The following MAGI1 variants were observed in gnomAD, a reference collection of about 807,000 sequenced individuals.
The protein encoded by MAGI1 is membrane-associated guanylate kinase, WW and PDZ domain-containing protein 1.
In MAGI1, 58 loss-of-function variants were observed where a neutral mutation model predicts 139.9. That is an observed-to-expected ratio of 0.41 (90% CI 0.34 to 0.52). MAGI1 has a LOEUF of 0.52. Among genes scored for constraint, MAGI1 ranks in the 20% least tolerant of loss-of-function variants. The probability of loss-of-function intolerance (pLI) is 0.12; values close to 1 mark genes in which losing one functional copy is unlikely to be tolerated. For missense variants in MAGI1, 1,874 were observed against 1,901.6 expected, an observed-to-expected ratio of 0.99 and a Z score of 0.27; for synonymous variants, 812 against 737.9, an observed-to-expected ratio of 1.10 and a Z score of -1.63.
At chr3:65,986,493 A>C (rs887885188) in intron 1 of MAGI1, among the ~76,000 whole-genome samples, 1 of 152,170 alleles carries the variant, frequency 6.6e-6, no homozygotes, top group Non-Finnish European at 1.5e-5. Flanking sequence ...CCAGTCCTAA[A>C]ATTAGCTCTT....
At chr3:65,974,237 T>C (rs1300219499) in intron 1 of MAGI1, among the ~76,000 whole-genome samples, 2 of 151,932 alleles carry the variant, frequency 1.3e-5, no homozygotes, top group South Asian at 2.1e-4. Flanking sequence ...CACTATGCAC[T>C]GTTCCTGGGA....
intron 3 of MAGI1, among the ~76,000 whole-genome samples, chr3:65,480,422 A>G (rs773474452): frequency 2.0e-4 from 30 of 151,886 alleles, no homozygotes; most frequent in Non-Finnish European, 2.9e-4. Context: ...AGTCCCAGCT[A>G]CTTGGGGGTG....
chr3:65,512,038 C>T (rs1222252004), intron 2 of MAGI1, among the ~76,000 whole-genome samples: 1 of 95,350 alleles, frequency 1.0e-5, no homozygotes, highest in Non-Finnish European at 2.1e-5. Context: ...AACTGAACAA[C>T]CTGCTCCTGA....
intron 3 of MAGI1, among the ~76,000 whole-genome samples, chr3:65,482,282 C>T (rs1303693728): frequency 1.3e-5 from 2 of 152,168 alleles, no homozygotes; most frequent in African/African-American, 2.4e-5. Flanking sequence ...AGACGGTCTG[C>T]CTTTAACCTA....
At chr3:65,576,275 G>A (rs1416020405) in intron 2 of MAGI1, among the ~76,000 whole-genome samples, 1 of 152,134 alleles carries the variant, frequency 6.6e-6, no homozygotes, top group Non-Finnish European at 1.5e-5. Flanking sequence ...AATTCTAACA[G>A]TGGCCCTCTG....
At chr3:65,978,850 C>T (rs541104739) in intron 1 of MAGI1, among the ~76,000 whole-genome samples, 1 of 152,124 alleles carries the variant, frequency 6.6e-6, no homozygotes, top group South Asian at 2.1e-4. Flanking sequence ...TGGTCTCAAA[C>T]TCCTGACCTC....
At position 65,361,186 on chromosome 3, in the gene MAGI1, T is replaced by C. The variant is rs777794723; in HGVS notation, c.3634+13A>G. On this transcript the variant is annotated intron_variant, in intron 22 of 22. Transcript: ENST00000402939. ...GCCAGGGAAGGAAGGAATGTTTTCA[T>C]AGTTTGACCCACCATATTCTGGTAC... The C allele has an allele frequency of 4.3e-6, 7 of 1,614,028 alleles. No homozygotes were observed. Among genetic ancestry groups the C allele is most frequent in the Middle Eastern group, 1.6e-4 (1 of 6,084 alleles).
intron 17 of MAGI1, 22 bp from the exon 18 acceptor site, chr3:65,375,967 A>T (rs1036851639): frequency 2.5e-6 from 4 of 1,595,554 alleles, no homozygotes; most frequent in Non-Finnish European, 3.4e-6. Context: ...TTGAGTTTTA[A>T]TTTTTTTAAA....
At chr3:65,458,632 CT>C (rs1949562928) in intron 5 of MAGI1, among the ~76,000 whole-genome samples, 1 of 152,096 alleles carries the variant, frequency 6.6e-6, no homozygotes, top group African/African-American at 2.4e-5. Flanking sequence ...CCACTCAGAT[CT>C]TTCCCCCATT....
chr3:65,985,694 T>A (rs1458046520), intron 1 of MAGI1, among the ~76,000 whole-genome samples: 1 of 152,218 alleles, frequency 6.6e-6, no homozygotes, highest in Non-Finnish European at 1.5e-5. Flanking sequence ...GGAGGAAATG[T>A]CATATTGTCT....
chr3:65,893,277 A>G (rs1032173862), intron 1 of MAGI1, among the ~76,000 whole-genome samples: 3 of 139,354 alleles, frequency 2.2e-5, no homozygotes, highest in African/African-American at 5.6e-5. Context: ...ACAACCTCAG[A>G]AAAAAAAATG....
At chr3:65,369,610 G>A (rs951812313) in intron 18 of MAGI1, among the ~76,000 whole-genome samples, 3 of 151,822 alleles carry the variant, frequency 2.0e-5, no homozygotes, top group African/African-American at 7.3e-5. Flanking sequence ...CTGGTTTCAA[G>A]CAATTCTTGT....
intron 1 of MAGI1, among the ~76,000 whole-genome samples, chr3:65,772,845 A>G (rs936651562): frequency 6.6e-6 from 1 of 152,224 alleles, no homozygotes; most frequent in Non-Finnish European, 1.5e-5. Context: ...TACAAATGAC[A>G]GAAAAGATGC....
chr3:65,698,735 T>G (rs1408165154), intron 1 of MAGI1, among the ~76,000 whole-genome samples: 1 of 148,922 alleles, frequency 6.7e-6, no homozygotes, highest in Non-Finnish European at 1.5e-5. Context: ...TCAAGATGGA[T>G]TAAAGACTTA....
rs563655540 is a variant in MAGI1, at chr3:65,658,490, C to A, written c.314-36402G>T. ...AGTTACTGGTAACCAAATTGTAACA[C>A]TGACTGAACAACTGAATTCTTCAGA... is the stretch of plus-strand genomic sequence containing the variant. On this transcript the variant is annotated intron_variant, in intron 1 of 22. Transcript: ENST00000402939. Among the ~76,000 whole-genome samples the A allele has an allele frequency of 2.6e-5, 4 of 152,328 alleles. No individual in the cohort carries two copies. In the East Asian group the frequency reaches 5.8e-4, roughly 22 times the overall value.
At chr3:65,676,995 G>A (rs1276821006) in intron 1 of MAGI1, among the ~76,000 whole-genome samples, 4 of 152,124 alleles carry the variant, frequency 2.6e-5, no homozygotes, top group Non-Finnish European at 4.4e-5. Context: ...TGACTCCCGT[G>A]CTCTTGGTAT....
At chr3:65,564,609 G>A (rs1243262077) in intron 2 of MAGI1, among the ~76,000 whole-genome samples, 3 of 152,128 alleles carry the variant, frequency 2.0e-5, no homozygotes, top group East Asian at 1.9e-4. Flanking sequence ...AAAATAGTAG[G>A]CCATGCAGTG....
chr3:65,971,625 A>T (rs1411702396), intron 1 of MAGI1, among the ~76,000 whole-genome samples: 1 of 152,200 alleles, frequency 6.6e-6, no homozygotes, highest in African/African-American at 2.4e-5. Flanking sequence ...ACAAACTGTG[A>T]ACAACCTGAG....
At chr3:65,521,471 A>G (rs924231669) in intron 2 of MAGI1, among the ~76,000 whole-genome samples, 2 of 152,228 alleles carry the variant, frequency 1.3e-5, no homozygotes, top group African/African-American at 2.4e-5. Context: ...GGTTTAATAA[A>G]TATTTAAATA....
Sources: gnomAD v4.1 joint callset for allele counts (sites outside exome capture counted in the v4.1 genomes callset) on GRCh38, gnomAD v4.1.1 for gene constraint, MANE v1.5 for transcripts, NCBI Gene and HGNC (gene_info 2026-07-23, HGNC 2026-07-21) for gene names.